The following RRP12 variants were observed in gnomAD, a reference collection of about 807,000 sequenced individuals.
RRP12 encodes RRP12-like protein.
In RRP12, 78 loss-of-function variants were observed where a neutral mutation model predicts 157.3. The ratio of observed to expected loss-of-function variants is 0.50; its 90% CI spans 0.41 to 0.60. RRP12 has a LOEUF of 0.60. RRP12 is among the 20% of genes least tolerant of loss of function. RRP12 has a pLI of 0.00. For synonymous variants in RRP12, 726 were observed against 670.9 expected (o/e 1.08, Z -1.27); for missense variants, 1,521 against 1,679.9 (o/e 0.91, Z 1.65).
At chr10:97,367,246 G>C (rs759796428) in intron 25 of RRP12, 114 bp from the exon 26 acceptor site, 151 of 849,310 alleles carry the variant, frequency 1.8e-4, no homozygotes, top group Middle Eastern at 1.5e-3. Context: ...GGGAGGGTTA[G>C]CGCGGCCCTG....
At chr10:97,380,990 A>G in intron 12 of RRP12, 77 bp from the exon 13 acceptor site, 1 of 1,154,010 alleles carries the variant, frequency 8.7e-7, no homozygotes, top group Non-Finnish European at 1.3e-6. Context: ...AACGGCCAGC[A>G]CCCTGAGCTA....
At position 97,401,105 on chromosome 10, in the gene RRP12, TGAA is replaced by T. The variant is rs755050224; in HGVS notation, c.124_126del (p.Phe42del). On this transcript the variant is annotated inframe_deletion, in exon 1 of 34. Transcript: ENST00000370992. The stretch of plus-strand genomic sequence containing the variant: ...TCAACCCAGCTACCTGACGGCCGGC[TGAA>T]GAAGCGGCTGCGGGCGGCCTGACGG... 3 of 1,613,574 alleles carry T rather than the reference TGAA, an allele frequency of 1.9e-6. No homozygotes were observed. Among genetic ancestry groups the T allele is most frequent in the South Asian group, 2.2e-5 (2 of 91,054 alleles).
At chr10:97,374,167 T>G (rs1589422285) in intron 15 of RRP12, among the ~76,000 whole-genome samples, 1 of 152,178 alleles carries the variant, frequency 6.6e-6, no homozygotes, top group Non-Finnish European at 1.5e-5. Context: ...GCCCAATTTT[T>G]TTTGTTTGTT....
chr10:97,362,040 G>C (rs1443520019), intron 30 of RRP12, among the ~76,000 whole-genome samples: 1 of 151,776 alleles, frequency 6.6e-6, no homozygotes, highest in East Asian at 1.9e-4. Flanking sequence ...CTGGGAGGGG[G>C]AGGTTGCAGT....
intron 13 of RRP12, among the ~76,000 whole-genome samples, 197 bp from the exon 14 acceptor site, chr10:97,379,967 TAAC>T (rs1188669079): frequency 6.6e-6 from 1 of 152,190 alleles, no homozygotes; most frequent in Non-Finnish European, 1.5e-5. Context: ...CTGTTACATT[TAAC>T]AACATGTAAA....
chr10:97,379,683 T>G lies in RRP12; in HGVS notation c.1621A>C (p.Ser541Arg). 2 of 1,614,030 alleles carry G rather than the reference T, an allele frequency of 1.2e-6. No homozygotes were observed. Among genetic ancestry groups the G allele is most frequent in the Non-Finnish European group, 1.7e-6 (2 of 1,180,014 alleles). ...LDQAVGAAVT[S>R]MGPEVVLQAV... ...TGCAGCACCACCTCAGGTCCCATAC[T>G]GGTCACCGCAGCCCCCACTGCCTGG... The change falls in exon 14 of 34, where the codon AGT (serine) becomes CGT (arginine). Residue 541 changes from serine (S) to arginine (R), a missense_variant. Transcript: ENST00000370992.
In RRP12 at chr10:97,369,515, G is replaced by A. The variant is rs1844081351; in HGVS notation, c.2865C>T (p.Thr955=). The A allele has an allele frequency of 1.9e-6, 3 of 1,601,526 alleles. No homozygotes were observed. Among genetic ancestry groups the A allele is most frequent in the East Asian group, 4.5e-5 (2 of 44,334 alleles). The change falls in exon 25 of 34, where the codon ACC becomes ACT. Residue 955 remains threonine (T), a synonymous_variant. Transcript: ENST00000370992. The part of the protein sequence containing the change: ...ENVCLLLASR[T]RDVVKSALGF... ...CCAGTGCAGACTTGACCACGTCACG[G>A]GTGCGGGAGGCCAGAAGCAGGCACA...
At chr10:97,382,754 G>C (rs907866063) in intron 10 of RRP12, among the ~76,000 whole-genome samples, 2 of 144,612 alleles carry the variant, frequency 1.4e-5, no homozygotes, top group Non-Finnish European at 3.0e-5. Context: ...CAACCACTTT[G>C]ACTGTTTCTA....
At chr10:97,393,380 C>A in intron 4 of RRP12, 1 of 547,848 alleles carries the variant, frequency 1.8e-6, no homozygotes, top group Non-Finnish European at 3.5e-6. Context: ...TCTCACAGCA[C>A]GAGCTCCTGA....
chr10:97,381,321 C>T (rs1589428828), intron 12 of RRP12, 65 bp downstream of exon 12: 3 of 1,172,596 alleles, frequency 2.6e-6, no homozygotes, highest in Non-Finnish European at 3.6e-6. Context: ...GTGGAGCATT[C>T]GTATTATATA....
intron 10 of RRP12, among the ~76,000 whole-genome samples, chr10:97,383,979 A>C (rs1338218009): frequency 6.6e-6 from 1 of 152,182 alleles, no homozygotes; most frequent in African/African-American, 2.4e-5. Flanking sequence ...TGCCTCACAA[A>C]AACAAGAGCT....
intron 30 of RRP12, among the ~76,000 whole-genome samples, chr10:97,361,913 C>T (rs979723278): frequency 5.3e-5 from 8 of 151,934 alleles, no homozygotes; most frequent in Non-Finnish European, 1.2e-4. Flanking sequence ...TCGAGACCAG[C>T]CTGACCAACA....
chr10:97,381,638 G>A, intron 11 of RRP12, 77 bp downstream of exon 11: 1 of 1,352,930 alleles, frequency 7.4e-7, no homozygotes, highest in East Asian at 2.3e-5. Context: ...CTGGTAGCCT[G>A]GGGCCAGTGC....
At chr10:97,359,821 G>A (rs759192730) in intron 31 of RRP12, among the ~76,000 whole-genome samples, 3 of 152,352 alleles carry the variant, frequency 2.0e-5, no homozygotes, top group Admixed American at 6.5e-5. Context: ...CCAGGGCACA[G>A]TAGGTGAGCT....
rs573274948 is a variant in RRP12, at chr10:97,395,695, C to T, written c.453+523G>A. Among the ~76,000 whole-genome samples, 17 of 150,882 alleles carry T rather than the reference C, an allele frequency of 1.1e-4. No individual in the cohort carries two copies. The South Asian group carries it at 3.6e-3, about 32-fold the overall frequency. ...AAAACCTCTTCTCTACTAAAAAATA[C>T]AAAAAATAAGCCGGGTATGGTGGTG... On this transcript the variant is annotated intron_variant, in intron 3 of 33. Coordinates refer to ENST00000370992, the MANE Select transcript of RRP12 (RefSeq NM_015179.4).
At position 97,401,223 on chromosome 10, in the gene RRP12, G is replaced by C. The variant is rs1010354891; in HGVS notation, c.9C>G (p.Arg3=). ...AGACACCAGAAGGCAACTTTCCCGA[G>C]CGACCCATGTTGACTAAGCCGTGGC... The part of the protein sequence containing the change: MG[R]SGKLPSGVSA... The change falls in exon 1 of 34, where the codon CGC becomes CGG. Residue 3 remains arginine (R), a synonymous_variant. Transcript: ENST00000370992. 3.1e-6 allele frequency: 5 copies of C among 1,614,180 alleles called. No individual in the cohort carries two copies. Among genetic ancestry groups the C allele is most frequent in the Non-Finnish European group, 4.2e-6 (5 of 1,180,040 alleles).
At chr10:97,395,205 T>TACACACACACAC (rs1377215101) in intron 3 of RRP12, among the ~76,000 whole-genome samples, 5 of 105,166 alleles carry the variant, frequency 4.8e-5, no homozygotes, top group African/African-American at 1.7e-4. Context: ...TATATACACA[T>TACACACACACAC]ATACACACAC....
chr10:97,383,057 A>G (rs1844515005), intron 10 of RRP12, among the ~76,000 whole-genome samples: 1 of 152,184 alleles, frequency 6.6e-6, no homozygotes. Flanking sequence ...CCACTGTGCC[A>G]GGCCCACTTT....
chr10:97,400,873 C>T (rs1845126581), intron 1 of RRP12, among the ~76,000 whole-genome samples: 1 of 152,162 alleles, frequency 6.6e-6, no homozygotes, highest in South Asian at 2.1e-4. Context: ...ACTCTGACAC[C>T]CGCGGTACCT....
Sources: gnomAD v4.1 joint callset for allele counts (sites outside exome capture counted in the v4.1 genomes callset) on GRCh38, gnomAD v4.1.1 for gene constraint, MANE v1.5 for transcripts, NCBI Gene and HGNC (gene_info 2026-07-23, HGNC 2026-07-21) for gene names.